The following MCF2L variants were observed in gnomAD, a reference collection of about 807,000 sequenced individuals.
The protein encoded by MCF2L is MCF.2 cell line derived transforming sequence like.
MCF2L carries 97 observed loss-of-function variants against 153.4 expected under a neutral mutation model. The observed-to-expected ratio is 0.63, with a 90% CI of 0.54 to 0.75. MCF2L has a LOEUF of 0.75. MCF2L is among the 30% of genes least tolerant of loss of function. The pLI is 0.00. For synonymous variants in MCF2L, 659 were observed against 632.2 expected (o/e 1.04, Z -0.64); for missense variants, 1,347 against 1,495.2 (o/e 0.90, Z 1.64).
At chr13:113,024,098 G>A (rs1594714403) in intron 2 of MCF2L, among the ~76,000 whole-genome samples, 1 of 152,238 alleles carries the variant, frequency 6.6e-6, no homozygotes, top group South Asian at 2.1e-4. Context: ...AGCCCAGCCT[G>A]TGTGACTCCA....
rs894480249 is a variant in MCF2L, at chr13:113,078,383, A to T, written c.1681A>T (p.Asn561Tyr). ...PSPGIRRGSE[N>Y]SSSEGGALRR... The stretch of plus-strand genomic sequence containing the variant: ...AACAGGCATTCGGCGAGGCTCTGAG[A>T]ACTCCAGCTCCGAGGGCGGTGCGCT... Residue 561 changes from asparagine (N) to tyrosine (Y), a missense_variant, in exon 14 of 30, where the codon AAC (asparagine) becomes TAC (tyrosine). By Grantham distance (143) the Asn-to-Tyr change is moderately radical. Coordinates refer to ENST00000535094, the MANE Select transcript of MCF2L (RefSeq NM_001112732.3). The T allele has an allele frequency of 3.7e-6, 6 of 1,613,246 alleles. No individual in the cohort carries two copies. The African/African-American group carries it at 5.3e-5, about 14-fold the overall frequency.
intron 1 of MCF2L, chr13:112,979,837 C>T (rs1434100668): frequency 2.2e-6 from 3 of 1,335,424 alleles, no homozygotes; most frequent in Non-Finnish European, 3.1e-6. Flanking sequence ...GGGCAGGTGC[C>T]TCCCTGGGGT....
At chr13:113,012,520 AC>A in intron 1 of MCF2L, among the ~76,000 whole-genome samples, 1 of 101,120 alleles carries the variant, frequency 9.9e-6, no homozygotes, top group Non-Finnish European at 2.1e-5. Context: ...GATGGTGGAC[AC>A]TGCAATGAGG....
rs533677749 is a variant in MCF2L at position 113,044,881 on chromosome 13, G to A, written c.279-390G>A. The A allele has an allele frequency of 1.5e-4, 239 of 1,612,898 alleles. 2 individuals carry two copies. The South Asian group carries it at 1.6e-3, about 11-fold the overall frequency. Reference sequence around the variant, plus strand: ...CACGGGCACCTCAGATGCCAGGACCGGCGTGATGTATGCGCCATAAGACTG... The same window carrying A: ...CACGGGCACCTCAGATGCCAGGACCAGCGTGATGTATGCGCCATAAGACTG... On this transcript the variant is annotated intron_variant, in intron 3 of 29. Transcript: ENST00000535094.
At chr13:113,093,307 G>A (rs544240342) in intron 26 of MCF2L, among the ~76,000 whole-genome samples, 1 of 152,382 alleles carries the variant, frequency 6.6e-6, no homozygotes, top group Admixed American at 6.5e-5. Flanking sequence ...CAGGCCTGGT[G>A]TGGTGCCTGG....
intron 2 of MCF2L, among the ~76,000 whole-genome samples, chr13:112,903,991 G>A (rs2081145803): frequency 1.3e-5 from 2 of 152,182 alleles, no homozygotes; most frequent in Admixed American, 6.5e-5. Flanking sequence ...TCTGCAACTG[G>A]AAGGTTGCTG....
chr13:113,063,901 C>A (rs1004629418), intron 5 of MCF2L: 14 of 449,626 alleles, frequency 3.1e-5, no homozygotes, highest in Non-Finnish European at 6.3e-5. Context: ...TTCTGTGAAA[C>A]CCATTTTGAC....
At chr13:113,090,439 C>T (rs2035095367) in intron 26 of MCF2L, 2 of 660,840 alleles carry the variant, frequency 3.0e-6, no homozygotes, top group African/African-American at 3.9e-5. Flanking sequence ...CTCTCCCTGC[C>T]CCCCACCCCC....
intron 17 of MCF2L, among the ~76,000 whole-genome samples, 194 bp from the exon 18 acceptor site, chr13:113,083,804 C>G (rs954865879): frequency 7.9e-5 from 12 of 152,242 alleles, no homozygotes; most frequent in Non-Finnish European, 2.9e-5. Context: ...AGAGACTCAG[C>G]CTGGGGCTGC....
chr13:113,003,212 TG>T (rs1566717363), intron 1 of MCF2L, among the ~76,000 whole-genome samples: 1 of 150,196 alleles, frequency 6.7e-6, no homozygotes, highest in East Asian at 2.0e-4. Flanking sequence ...TGTGGAGCAC[TG>T]GGGAAGGCTC....
chr13:112,908,606 C>G (rs577487189), intron 2 of MCF2L, among the ~76,000 whole-genome samples: 7 of 152,272 alleles, frequency 4.6e-5, no homozygotes, highest in Admixed American at 3.3e-4. Flanking sequence ...AATATGTGCT[C>G]TATGATTAAA....
rs77244392 is a variant in MCF2L, at chr13:113,001,735, C to T, written c.80-13028C>T. The T allele has an allele frequency of 6.1e-3, 8,284 of 1,367,634 alleles. 294 individuals are homozygous for T. The East Asian group carries it at 0.1, about 17-fold the overall frequency. The allele number at this position is 1,367,634 out of a possible 1,614,324, so 84.7% of individuals were successfully genotyped here. ...AATCAGGGACATCGAATCGGAGGCCCTGGGAGGAGCAGCCGGCTGGCTGCC... is the reference window on the plus strand; with the variant it reads ...AATCAGGGACATCGAATCGGAGGCCTTGGGAGGAGCAGCCGGCTGGCTGCC... On this transcript the variant is annotated intron_variant, in intron 1 of 29. Coordinates refer to ENST00000535094, the MANE Select transcript of MCF2L (RefSeq NM_001112732.3).
At chr13:112,897,782 A>G (rs897311910) in intron 1 of MCF2L, among the ~76,000 whole-genome samples, 3 of 152,244 alleles carry the variant, frequency 2.0e-5, no homozygotes, top group Non-Finnish European at 4.4e-5. Flanking sequence ...TTCTGTGTCC[A>G]GGTGGGCAGA....
Position 112,960,360 on chromosome 13 carries a change from C to T in MCF2L, c.170-54403C>T, listed in dbSNP as rs1293118816. On this transcript the variant is annotated intron_variant, in intron 2 of 29. Coordinates refer to the MCF2L transcript ENST00000375608. This position sits in a 1 kb window ranked among gnomAD's most constrained non-coding sequence, Gnocchi z 4.2. Reference sequence around the variant, plus strand: ...AGGGCAGGGTCCTCAGACCTGGTCACCTCTTCTTAGGCCCCATGTCCCAGC... The same window carrying T: ...AGGGCAGGGTCCTCAGACCTGGTCATCTCTTCTTAGGCCCCATGTCCCAGC... 6.6e-6 allele frequency among the ~76,000 whole-genome samples: 1 copy of T among 152,200 alleles called. No homozygotes were observed. Among genetic ancestry groups the T allele is most frequent in the Admixed American group, 6.5e-5 (1 of 15,286 alleles).
intron 1 of MCF2L, among the ~76,000 whole-genome samples, chr13:112,894,588 C>T (rs2081047458): frequency 6.6e-6 from 1 of 152,024 alleles, no homozygotes; most frequent in Admixed American, 6.5e-5. Context: ...ACCCGGCTCG[C>T]GGTCAGGGCG....
chr13:112,967,965 G>C (rs61963567), upstream of MCF2L: 7,647 of 193,448 alleles, frequency 0.04, 218 homozygotes, highest in South Asian at 0.061. Context: ...AATGGTGCAC[G>C]CATGCTCTGT....
upstream of MCF2L, among the ~76,000 whole-genome samples, chr13:112,964,391 A>C (rs79932884): frequency 7.6e-3 from 1,153 of 152,338 alleles, 15 homozygotes; most frequent in African/African-American, 0.027. Context: ...TGAACCCATC[A>C]TGATGCTCCC....
intron 2 of MCF2L, among the ~76,000 whole-genome samples, chr13:112,937,145 C>T (rs1253964285): frequency 1.3e-5 from 2 of 152,202 alleles, no homozygotes; most frequent in African/African-American, 4.8e-5. Context: ...CCTCTGCCTC[C>T]TGGGCTCAAG....
Position 112,983,843 on chromosome 13 carries a change from G to A in MCF2L, c.79+14385G>A, listed in dbSNP as rs541374596. 5.9e-5 allele frequency among the ~76,000 whole-genome samples: 9 copies of A among 152,170 alleles called. No individual in the cohort carries two copies. The highest frequency in any genetic ancestry group is 2.1e-4 in the South Asian group (1 of 4,826). Reference sequence around the variant, plus strand: ...CATCTCTGTGGACAGACCTCTCCCCGTGCTGCAGCTGTTTTCCTTGGGTTG... The same window carrying A: ...CATCTCTGTGGACAGACCTCTCCCCATGCTGCAGCTGTTTTCCTTGGGTTG... On this transcript the variant is annotated intron_variant, in intron 1 of 29. Transcript: ENST00000535094. The surrounding 1 kb of genome is among the most constrained non-coding windows in gnomAD (Gnocchi z 4.0).
Sources: gnomAD v4.1 joint callset for allele counts (sites outside exome capture counted in the v4.1 genomes callset) on GRCh38, gnomAD v4.1.1 for gene constraint, Gnocchi (gnomAD v3.1) non-coding constraint, MANE v1.5 for transcripts, NCBI Gene and HGNC (gene_info 2026-07-23, HGNC 2026-07-21) for gene names.